NCKAP5: variants seen among roughly 807,000 people sequenced by gnomAD.
NCKAP5 encodes nck-associated protein 5.
NCKAP5 carries 92 observed loss-of-function variants against 167.0 expected under a neutral mutation model. That is an observed-to-expected ratio of 0.55 (90% CI 0.47 to 0.66). The LOEUF is 0.66. Among genes scored for constraint, NCKAP5 ranks in the 30% least tolerant of loss-of-function variants. The pLI is 0.00. For missense variants in NCKAP5, 2,378 were observed against 2,315.0 expected, an observed-to-expected ratio of 1.03 and a Z score of -0.56; for synonymous variants, 891 against 877.4, an observed-to-expected ratio of 1.02 and a Z score of -0.27.
chr2:133,094,766 C>A (rs145602269), intron 6 of NCKAP5, among the ~76,000 whole-genome samples: 7 of 152,062 alleles, frequency 4.6e-5, no homozygotes, highest in Non-Finnish European at 1.0e-4. Context: ...ATCATACATG[C>A]CCTTTAAAAG....
the NCKAP5 span, among the ~76,000 whole-genome samples, chr2:133,654,842 C>T: frequency 1.3e-5 from 2 of 152,154 alleles, no homozygotes; most frequent in Non-Finnish European, 2.9e-5. Context: ...CTTCCTAACT[C>T]GGCTGTTTTT....
intron 2 of NCKAP5, among the ~76,000 whole-genome samples, chr2:133,535,602 A>G (rs1219317997): frequency 2.1e-5 from 3 of 142,304 alleles, no homozygotes; most frequent in African/African-American, 5.0e-5. Flanking sequence ...GCTACTGTGA[A>G]TAGTGCCAAA....
chr2:133,136,949 T>A (rs1228951272), intron 5 of NCKAP5, among the ~76,000 whole-genome samples: 2 of 152,200 alleles, frequency 1.3e-5, no homozygotes, highest in Non-Finnish European at 2.9e-5. Flanking sequence ...GAATCTAAAT[T>A]GACACCTGTG....
chr2:133,167,325 T>A (rs935814732), intron 5 of NCKAP5, among the ~76,000 whole-genome samples: 2 of 152,166 alleles, frequency 1.3e-5, no homozygotes, highest in Admixed American at 6.5e-5. Context: ...CTAAGATAAA[T>A]CATTGAAGTA....
chr2:133,508,273 C>A (rs990444167), intron 3 of NCKAP5, among the ~76,000 whole-genome samples: 3 of 152,096 alleles, frequency 2.0e-5, no homozygotes, highest in African/African-American at 7.2e-5. Flanking sequence ...CTCAAGGACA[C>A]CATAGATTAA....
chr2:133,189,643 T>A (rs1431537372), intron 5 of NCKAP5, among the ~76,000 whole-genome samples: 1 of 152,130 alleles, frequency 6.6e-6, no homozygotes, highest in African/African-American at 2.4e-5. Flanking sequence ...GGCAAATCAA[T>A]AAATGTAATC....
chr2:133,110,511 G>C (rs571558682), intron 6 of NCKAP5, among the ~76,000 whole-genome samples: 2 of 152,308 alleles, frequency 1.3e-5, no homozygotes, highest in East Asian at 3.9e-4. Flanking sequence ...CAGGAGGGAA[G>C]TATTTCGGCA....
intron 12 of NCKAP5, among the ~76,000 whole-genome samples, chr2:132,795,773 C>T (rs1386678912): frequency 4.9e-5 from 7 of 144,104 alleles, no homozygotes; most frequent in East Asian, 4.3e-4. Flanking sequence ...GAGCTGAGAT[C>T]GCGCCATTGC....
At chr2:132,808,156 G>A (rs1225209273) in intron 11 of NCKAP5, among the ~76,000 whole-genome samples, 1 of 152,122 alleles carries the variant, frequency 6.6e-6, no homozygotes, top group African/African-American at 2.4e-5. Flanking sequence ...GATTCGGTTA[G>A]CTAGTATTTT....
intron 6 of NCKAP5, among the ~76,000 whole-genome samples, chr2:133,100,560 A>T (rs2081477635): frequency 6.6e-6 from 1 of 152,176 alleles, no homozygotes; most frequent in South Asian, 2.1e-4. Context: ...CTCTCACCAC[A>T]CTATGGGCAC....
At chr2:132,907,522 T>C (rs1310466133) in intron 8 of NCKAP5, among the ~76,000 whole-genome samples, 1 of 152,206 alleles carries the variant, frequency 6.6e-6, no homozygotes. Context: ...GAAAAGATAC[T>C]TCCTATGTCA....
At chr2:133,492,779 T>A (rs920192200) in intron 3 of NCKAP5, among the ~76,000 whole-genome samples, 25 of 152,310 alleles carry the variant, frequency 1.6e-4, no homozygotes, top group Middle Eastern at 3.4e-3. Flanking sequence ...AAAATCCAAT[T>A]ACATGAATCC....
chr2:132,885,834 A>T (rs1275585745), intron 8 of NCKAP5, among the ~76,000 whole-genome samples: 1 of 152,246 alleles, frequency 6.6e-6, no homozygotes, highest in Non-Finnish European at 1.5e-5. Flanking sequence ...TGTTTAATAG[A>T]TCCTTTTCCA....
intron 7 of NCKAP5, among the ~76,000 whole-genome samples, chr2:132,971,067 T>G (rs780554623): frequency 6.6e-6 from 1 of 152,230 alleles, no homozygotes; most frequent in African/African-American, 2.4e-5. Flanking sequence ...CTGAGGAATA[T>G]GCCAGGCATA....
intron 8 of NCKAP5, among the ~76,000 whole-genome samples, chr2:132,914,530 T>A (rs774397657): frequency 2.8e-4 from 42 of 151,990 alleles, no homozygotes; most frequent in Non-Finnish European, 5.0e-4. Flanking sequence ...AATAGTCTCA[T>A]GGACTAATAC....
upstream of NCKAP5, chr2:133,568,470 G>T (rs1688725799): frequency 6.6e-6 from 1 of 151,980 alleles, no homozygotes; most frequent in South Asian, 2.1e-4. Flanking sequence ...CTTCGAGCTT[G>T]TAAATACAAG....
At chr2:132,711,114 T>C (rs1314737993) in intron 19 of NCKAP5, among the ~76,000 whole-genome samples, 1 of 152,200 alleles carries the variant, frequency 6.6e-6, no homozygotes, top group Non-Finnish European at 1.5e-5. Context: ...TCATGTTGTT[T>C]AAATGTCCAG....
Position 133,289,646 on chromosome 2 carries a change from G to A in NCKAP5, c.143+13391C>T, listed in dbSNP as rs949638586. Reference sequence around the variant, plus strand: ...GTGAAGGTTGCAGTGGGCCGAGATCGTGCCACTACACTCCAGCCTGGGCAA... The same window carrying A: ...GTGAAGGTTGCAGTGGGCCGAGATCATGCCACTACACTCCAGCCTGGGCAA... On this transcript the variant is annotated intron_variant, in intron 4 of 19. Coordinates refer to ENST00000409261, the MANE Select transcript of NCKAP5 (RefSeq NM_207363.3). Among the ~76,000 whole-genome samples, 12 of 151,836 alleles carry A rather than the reference G, an allele frequency of 7.9e-5. No homozygotes were observed. In the South Asian group the frequency reaches 8.3e-4, roughly 11 times the overall value.
At chr2:133,511,368 G>C (rs1463303817) in intron 3 of NCKAP5, among the ~76,000 whole-genome samples, 1 of 151,502 alleles carries the variant, frequency 6.6e-6, no homozygotes, top group Admixed American at 6.6e-5. Flanking sequence ...CCATCCATGG[G>C]ACCCGGAGAT....
Sources: gnomAD v4.1 joint callset for allele counts (sites outside exome capture counted in the v4.1 genomes callset) on GRCh38, gnomAD v4.1.1 for gene constraint, MANE v1.5 for transcripts, NCBI Gene and HGNC (gene_info 2026-07-23, HGNC 2026-07-21) for gene names.